RNF144A: variants seen among roughly 807,000 people sequenced by gnomAD.
The protein encoded by RNF144A is ring finger protein 144A, also known as E3 ubiquitin-protein ligase RNF144A.
Under a neutral mutation model 38.7 loss-of-function variants are expected in RNF144A, and 11 were observed. That is an observed-to-expected ratio of 0.28 (90% CI 0.18 to 0.47). RNF144A has a LOEUF of 0.47. Ranked by LOEUF, RNF144A falls within the 20% of genes least tolerant of loss-of-function variation. The probability of loss-of-function intolerance (pLI) is 0.99; values close to 1 mark genes in which losing one functional copy is unlikely to be tolerated. For synonymous variants in RNF144A, 149 were observed against 143.9 expected, an observed-to-expected ratio of 1.04 and a Z score of -0.25; for missense variants, 316 against 377.2, an observed-to-expected ratio of 0.84 and a Z score of 1.34.
intron 6 of RNF144A, among the ~76,000 whole-genome samples, chr2:7,060,924 T>G (rs1673928113): frequency 6.6e-6 from 1 of 152,216 alleles, no homozygotes; most frequent in African/African-American, 2.4e-5. Flanking sequence ...GGCATGTAGT[T>G]TCCTTGAGAG....
chr2:7,048,478 G>A (rs941411299), downstream of RNF144A, among the ~76,000 whole-genome samples: 4 of 152,174 alleles, frequency 2.6e-5, no homozygotes, highest in Non-Finnish European at 5.9e-5. Flanking sequence ...GCAGACCATG[G>A]GGCCCGGCCC....
At chr2:7,007,194 C>T (rs1670502796) in intron 3 of RNF144A, among the ~76,000 whole-genome samples, 1 of 152,166 alleles carries the variant, frequency 6.6e-6, no homozygotes, top group South Asian at 2.1e-4. Flanking sequence ...TCAACCCTGC[C>T]CCAATGTCAG....
chr2:6,968,611 A>T (rs183834367), intron 2 of RNF144A, among the ~76,000 whole-genome samples: 1 of 152,298 alleles, frequency 6.6e-6, no homozygotes, highest in East Asian at 1.9e-4. Flanking sequence ...GTCTATTCTC[A>T]TCACAAGAAA....
At chr2:7,069,414 T>A (rs1344066883), downstream of RNF144A, among the ~76,000 whole-genome samples, 3 of 152,264 alleles carry the variant, frequency 2.0e-5, no homozygotes, top group Admixed American at 6.5e-5. Flanking sequence ...ATTTTTCTCA[T>A]AACATCATTC....
intron 6 of RNF144A, chr2:7,062,701 CAGAGACGTTT>C (rs1207065576): frequency 1.3e-5 from 2 of 152,136 alleles, no homozygotes; most frequent in Non-Finnish European, 2.9e-5. Context: ...GGAAAGAAAG[CAGAGACGTTT>C]ATCCAGCTTC....
At chr2:7,029,533 C>T (rs962016356) in intron 7 of RNF144A, among the ~76,000 whole-genome samples, 1 of 152,182 alleles carries the variant, frequency 6.6e-6, no homozygotes, top group African/African-American at 2.4e-5. Context: ...AGAAAGTGCT[C>T]CCCGGGCTGG....
chr2:7,058,643 T>G (rs1347260959), intron 6 of RNF144A, among the ~76,000 whole-genome samples: 1 of 152,190 alleles, frequency 6.6e-6, no homozygotes, highest in Non-Finnish European at 1.5e-5. Flanking sequence ...GAGTTAACAA[T>G]TTTTTATATC....
At chr2:6,965,149 C>T (rs540075311) in intron 2 of RNF144A, among the ~76,000 whole-genome samples, 4 of 152,230 alleles carry the variant, frequency 2.6e-5, no homozygotes, top group African/African-American at 9.6e-5. Flanking sequence ...GTTTGCTCCA[C>T]CATAGCTGGC....
At chr2:6,979,666 C>T (rs1011662975) in intron 2 of RNF144A, among the ~76,000 whole-genome samples, 3 of 152,060 alleles carry the variant, frequency 2.0e-5, no homozygotes, top group Non-Finnish European at 2.9e-5. Context: ...ACAGAAGCCT[C>T]CAGGGTGATG....
chr2:6,984,311 T>C (rs984429495), intron 2 of RNF144A, among the ~76,000 whole-genome samples: 1 of 152,136 alleles, frequency 6.6e-6, no homozygotes. Context: ...CTTTTCTTTT[T>C]TTTTTTTCCA....
chr2:7,005,282 G>C (rs546694306), intron 3 of RNF144A, among the ~76,000 whole-genome samples: 2 of 152,322 alleles, frequency 1.3e-5, no homozygotes, highest in South Asian at 2.1e-4. Context: ...CTAGGAGGCT[G>C]TCTGATCATG....
In RNF144A at chr2:6,958,479, G is replaced by C. The variant is rs1558383716; in HGVS notation, c.-12+17332G>C. Among the ~76,000 whole-genome samples the C allele has an allele frequency of 6.6e-6, 1 of 152,184 alleles. No homozygotes were observed. Among genetic ancestry groups the C allele is most frequent in the Non-Finnish European group, 1.5e-5 (1 of 68,036 alleles). On this transcript the variant is annotated intron_variant, in intron 2 of 8. Coordinates refer to ENST00000320892, the MANE Select transcript of RNF144A (RefSeq NM_014746.6). The surrounding 1 kb of genome is among the most constrained non-coding windows in gnomAD (Gnocchi z 4.5). ...AGTGATTCATGGTGCTCTCAGCATA[G>C]ACCTTGAGCAATAACCCATGTGGCC...
chr2:6,979,524 A>C (rs1304942153), intron 2 of RNF144A, among the ~76,000 whole-genome samples: 1 of 152,078 alleles, frequency 6.6e-6, no homozygotes, highest in Non-Finnish European at 1.5e-5. Flanking sequence ...AAGTTAAAAG[A>C]AATCATTAGC....
chr2:6,963,808 C>T (rs746782161), intron 2 of RNF144A, among the ~76,000 whole-genome samples: 11 of 152,260 alleles, frequency 7.2e-5, no homozygotes, highest in Admixed American at 1.3e-4. Flanking sequence ...ATGAATTTAA[C>T]GTAGTCCCTC....
downstream of RNF144A, among the ~76,000 whole-genome samples, chr2:7,048,320 C>T (rs144225849): frequency 1.3e-5 from 2 of 152,300 alleles, no homozygotes; most frequent in East Asian, 1.9e-4. Context: ...ACAAACACTG[C>T]GCTTCCTGAA....
Position 6,985,267 on chromosome 2 carries a change from CCT to C in RNF144A, c.-11-11646_-11-11645del, listed in dbSNP as rs1405838182. On this transcript the variant is annotated intron_variant, in intron 2 of 8. Transcript: ENST00000320892. Reference sequence around the variant, plus strand: ...CATGTTTTAATTCATCTCCCTCCCCCCTCTTTTTTTTTTTTTTTTTTTTTTTA... The same window carrying C: ...CATGTTTTAATTCATCTCCCTCCCCCCTTTTTTTTTTTTTTTTTTTTTTTA... 4.4e-4 allele frequency among the ~76,000 whole-genome samples: 39 copies of C among 88,576 alleles called. 1 individual carries two copies. Among genetic ancestry groups the C allele is most frequent in the Middle Eastern group, 6.2e-3 (1 of 162 alleles). The allele number at this position is 88,576 out of a possible 152,430, so 58.1% of individuals were successfully genotyped here.
downstream of RNF144A, among the ~76,000 whole-genome samples, chr2:7,048,304 C>T (rs309294): frequency 0.35 from 53,961 of 152,084 alleles, 10,599 homozygotes; most frequent in South Asian, 0.54. Flanking sequence ...TGGTGCCCAT[C>T]GCAGGACAAA....
intron 6 of RNF144A, among the ~76,000 whole-genome samples, chr2:7,021,591 C>T (rs1671537550): frequency 6.6e-6 from 1 of 152,226 alleles, no homozygotes; most frequent in South Asian, 2.1e-4. Context: ...GATCACATCC[C>T]TTTGTCAAGC....
intron 3 of RNF144A, among the ~76,000 whole-genome samples, chr2:7,011,316 C>A (rs1035612878): frequency 3.3e-5 from 5 of 152,176 alleles, no homozygotes; most frequent in Non-Finnish European, 7.3e-5. Context: ...TGATATGATA[C>A]AATTGTATTA....
Sources: allele counts gnomAD v4.1 joint callset (sites outside exome capture counted in the v4.1 genomes callset), GRCh38; gene constraint gnomAD v4.1.1; non-coding constraint Gnocchi (gnomAD v3.1); transcripts MANE v1.5; gene names NCBI Gene and HGNC (gene_info 2026-07-23, HGNC 2026-07-21).